The following RAC1 variants were observed in gnomAD, a reference collection of about 807,000 sequenced individuals.
RAC1 encodes the protein Rac family small GTPase 1, also known as ras-related C3 botulinum toxin substrate 1.
RAC1 carries 2 observed loss-of-function variants against 25.2 expected under a neutral mutation model. That is an observed-to-expected ratio of 0.08 (90% confidence interval 0.03 to 0.25). The LOEUF (loss-of-function observed/expected upper bound fraction) is 0.25. Among genes scored for constraint, RAC1 ranks in the 10% least tolerant of loss-of-function variants. The pLI is 1.00. For synonymous variants in RAC1, 88 were observed against 94.0 expected (o/e 0.94, Z 0.37); for missense variants, 50 against 235.7 (o/e 0.21, Z 5.16).
At chr7:6,380,130 A>G (rs1782723766) in intron 1 of RAC1, among the ~76,000 whole-genome samples, 1 of 152,202 alleles carries the variant, frequency 6.6e-6, no homozygotes, top group African/African-American at 2.4e-5. Context: ...TTACAGGAAC[A>G]TTCTTTACAT....
intron 1 of RAC1, among the ~76,000 whole-genome samples, 155 bp downstream of exon 1, chr7:6,374,925 G>GC (rs1278215417): frequency 6.6e-6 from 1 of 151,160 alleles, no homozygotes; most frequent in Non-Finnish European, 1.5e-5. Flanking sequence ...GCGGGCGGGC[G>GC]CCCCCACCGG....
chr7:6,397,110 G>A (rs1783261714), intron 3 of RAC1, among the ~76,000 whole-genome samples: 1 of 147,436 alleles, frequency 6.8e-6, no homozygotes, highest in African/African-American at 2.5e-5. Context: ...GCGCAGTGGC[G>A]GATACCTGTA....
intron 3 of RAC1, among the ~76,000 whole-genome samples, chr7:6,396,569 AG>A (rs1783241121): frequency 6.6e-6 from 1 of 152,210 alleles, no homozygotes; most frequent in Non-Finnish European, 1.5e-5. Context: ...AGATACGATC[AG>A]AGGCTCTTTG....
intron 3 of RAC1, among the ~76,000 whole-genome samples, chr7:6,392,710 T>C (rs1783123364): frequency 6.6e-6 from 1 of 152,224 alleles, no homozygotes; most frequent in Admixed American, 6.5e-5. Flanking sequence ...TAAGCAGCGG[T>C]TTTACTTGTG....
intron 1 of RAC1, among the ~76,000 whole-genome samples, chr7:6,382,030 G>A (rs1488671148): frequency 6.6e-6 from 1 of 151,960 alleles, no homozygotes; most frequent in African/African-American, 2.4e-5. Flanking sequence ...GTCTCGCTCT[G>A]TTGCTCAGGC....
intron 4 of RAC1, among the ~76,000 whole-genome samples, chr7:6,400,936 A>T (rs775912524): frequency 2.0e-5 from 3 of 150,508 alleles, no homozygotes; most frequent in Non-Finnish European, 3.0e-5. Flanking sequence ...CGGCCTCCCA[A>T]AGTGCTGGGA....
intron 4 of RAC1, 133 bp downstream of exon 4, chr7:6,400,321 G>A (rs764645140): frequency 9.9e-5 from 82 of 831,070 alleles, no homozygotes; most frequent in Non-Finnish European, 1.5e-4. Flanking sequence ...TTAAGTACAT[G>A]ATTGGGTTTT....
chr7:6,399,790 A>G (rs922301374), intron 3 of RAC1: 1 of 255,908 alleles, frequency 3.9e-6, no homozygotes, highest in African/African-American at 2.2e-5. Flanking sequence ...GAAATATTGG[A>G]ATCATACCTT....
chr7:6,376,476 G>C (rs36106199), intron 1 of RAC1, among the ~76,000 whole-genome samples: 1 of 147,696 alleles, frequency 6.8e-6, no homozygotes, highest in Admixed American at 6.8e-5. Flanking sequence ...AAGCCACGGC[G>C]CCCGGCCCAA....
intron 2 of RAC1, among the ~76,000 whole-genome samples, chr7:6,391,091 T>G (rs1783079430): frequency 6.6e-6 from 1 of 152,190 alleles, no homozygotes; most frequent in Non-Finnish European, 1.5e-5. Flanking sequence ...AGACACAAAG[T>G]TTCGTCATGT....
intron 3 of RAC1, among the ~76,000 whole-genome samples, chr7:6,396,644 T>G (rs1430341596): frequency 6.6e-6 from 1 of 152,214 alleles, no homozygotes; most frequent in Non-Finnish European, 1.5e-5. Flanking sequence ...TGGCACCATA[T>G]GAAGTCCTTG....
At chr7:6,377,499 T>G (rs1225965552) in intron 1 of RAC1, among the ~76,000 whole-genome samples, 1 of 152,054 alleles carries the variant, frequency 6.6e-6, no homozygotes, top group Non-Finnish European at 1.5e-5. Context: ...GAGGCTAAGG[T>G]GGGAGGATCG....
chr7:6,376,626 C>G (rs1437273754), intron 1 of RAC1, among the ~76,000 whole-genome samples: 1 of 150,110 alleles, frequency 6.7e-6, no homozygotes, highest in African/African-American at 2.5e-5. Context: ...CTTAGTCTCC[C>G]AAGTAGCTGG....
intron 1 of RAC1, among the ~76,000 whole-genome samples, chr7:6,381,559 A>T (rs1246934270): frequency 6.6e-6 from 1 of 151,232 alleles, no homozygotes; most frequent in East Asian, 2.0e-4. Context: ...CACCCAGCTA[A>T]TTTCTTTTGT....
intron 2 of RAC1, among the ~76,000 whole-genome samples, chr7:6,390,394 G>T (rs998092739): frequency 5.3e-5 from 8 of 151,854 alleles, no homozygotes; most frequent in African/African-American, 1.9e-4. Flanking sequence ...GAGGTCAGGA[G>T]ATCAAGACCA....
chr7:6,379,097 G>GA (rs899096367), intron 1 of RAC1, among the ~76,000 whole-genome samples: 1 of 150,264 alleles, frequency 6.7e-6, no homozygotes, highest in Non-Finnish European at 1.5e-5. Context: ...TCTCAAAAAG[G>GA]AAAAAAAAGA....
At chr7:6,385,184 TCA>T (rs1462054559) in intron 1 of RAC1, among the ~76,000 whole-genome samples, 2 of 152,194 alleles carry the variant, frequency 1.3e-5, no homozygotes, top group Non-Finnish European at 2.9e-5. Context: ...ATGACAGTTA[TCA>T]CACGCATAAT....
intron 1 of RAC1, among the ~76,000 whole-genome samples, chr7:6,386,989 G>T (rs1782941092): frequency 6.7e-6 from 1 of 149,676 alleles, no homozygotes; most frequent in South Asian, 2.1e-4. Flanking sequence ...GAATGTGATG[G>T]CTCCTGACTC....
intron 1 of RAC1, among the ~76,000 whole-genome samples, chr7:6,377,018 C>T (rs1393542133): frequency 6.6e-6 from 1 of 151,974 alleles, no homozygotes; most frequent in East Asian, 1.9e-4. Context: ...CCCCCACCTC[C>T]CAAGAGAGGC....
Sources: allele counts gnomAD v4.1 joint callset (sites outside exome capture counted in the v4.1 genomes callset), GRCh38; gene constraint gnomAD v4.1.1; transcripts MANE v1.5; gene names NCBI Gene and HGNC (gene_info 2026-07-23, HGNC 2026-07-21).